SEMA5A: variants seen among roughly 807,000 people sequenced by gnomAD.
The protein encoded by SEMA5A is semaphorin 5A.
Under a neutral mutation model 135.5 loss-of-function variants are expected in SEMA5A, and 55 were observed. The observed-to-expected ratio is 0.41, with a 90% CI of 0.33 to 0.51. The LOEUF (loss-of-function observed/expected upper bound fraction) is 0.51, where lower values mean the gene tolerates loss of function less well. Among genes scored for constraint, SEMA5A ranks in the 20% least tolerant of loss-of-function variants. SEMA5A has a pLI of 0.37. For synonymous variants in SEMA5A, 580 were observed against 546.5 expected, an observed-to-expected ratio of 1.06 and a Z score of -0.85; for missense variants, 1,290 against 1,419.9, an observed-to-expected ratio of 0.91 and a Z score of 1.47.
intron 1 of SEMA5A, among the ~76,000 whole-genome samples, chr5:9,505,897 G>T (rs1049419714): frequency 1.3e-4 from 20 of 152,166 alleles, no homozygotes; most frequent in African/African-American, 4.8e-4. Context: ...ATTTGTCCTG[G>T]TAGATTAACT....
At chr5:9,258,621 C>T (rs1418764475) in intron 5 of SEMA5A, among the ~76,000 whole-genome samples, 1 of 151,970 alleles carries the variant, frequency 6.6e-6, no homozygotes, top group Non-Finnish European at 1.5e-5. Flanking sequence ...TTTTTATTTC[C>T]CTATCCCTCA....
At chr5:9,082,282 G>C (rs1738430237) in intron 16 of SEMA5A, among the ~76,000 whole-genome samples, 1 of 152,128 alleles carries the variant, frequency 6.6e-6, no homozygotes, top group Non-Finnish European at 1.5e-5. Context: ...GGAGTCTTAT[G>C]TTCATAAAAT....
chr5:9,155,156 C>T (rs1742883482), intron 11 of SEMA5A, among the ~76,000 whole-genome samples: 1 of 152,166 alleles, frequency 6.6e-6, no homozygotes, highest in East Asian at 1.9e-4. Flanking sequence ...GTGATGCCCC[C>T]TCCTCCTTCC....
intron 8 of SEMA5A, among the ~76,000 whole-genome samples, chr5:9,212,798 A>T (rs988497535): frequency 1.3e-5 from 2 of 152,262 alleles, no homozygotes; most frequent in African/African-American, 4.8e-5. Context: ...GAGCACATAA[A>T]GCAGGCTTCC....
intron 5 of SEMA5A, among the ~76,000 whole-genome samples, chr5:9,270,700 C>T (rs527820675): frequency 2.7e-5 from 4 of 148,404 alleles, no homozygotes; most frequent in East Asian, 2.2e-4. Flanking sequence ...GTTGGGGCAG[C>T]GGGTGGGGGC....
chr5:9,073,545 C>G (rs1476487798), intron 16 of SEMA5A, among the ~76,000 whole-genome samples: 2 of 152,060 alleles, frequency 1.3e-5, no homozygotes, highest in Non-Finnish European at 2.9e-5. Context: ...AGATGAGAAA[C>G]AAGGCAAGGA....
intron 5 of SEMA5A, among the ~76,000 whole-genome samples, chr5:9,273,668 G>A (rs113853164): frequency 0.025 from 3,809 of 152,174 alleles, 61 homozygotes; most frequent in Non-Finnish European, 0.04. Flanking sequence ...AAGCCAGAAG[G>A]AGTGGGGGCC....
chr5:9,167,862 C>T (rs754784216), intron 11 of SEMA5A, among the ~76,000 whole-genome samples: 4 of 152,100 alleles, frequency 2.6e-5, no homozygotes, highest in Non-Finnish European at 4.4e-5. Context: ...ATACAGTAGG[C>T]CGTCAGTTGA....
At chr5:9,225,035 A>G in intron 7 of SEMA5A, 148 bp from the exon 8 acceptor site, 1 of 646,040 alleles carries the variant, frequency 1.5e-6, no homozygotes. Flanking sequence ...TTACATTCCA[A>G]CTGATGTAAA....
Position 9,226,854 on chromosome 5 carries a change from A to G in SEMA5A, c.432+15T>C, listed in dbSNP as rs765291861. 6.3e-7 allele frequency: 1 copy of G among 1,592,994 alleles called. No homozygotes were observed. On this transcript the variant is annotated intron_variant, in intron 7 of 22. Coordinates refer to ENST00000382496, the MANE Select transcript of SEMA5A (RefSeq NM_003966.3). ...CTGATATTAAATTCTTTTGAGGCAC[A>G]AAAAGAAGCCATACCGAGCGGTTGG... is the stretch of plus-strand genomic sequence containing the variant.
chr5:9,428,338 T>C (rs1757741737), intron 2 of SEMA5A, among the ~76,000 whole-genome samples: 1 of 152,146 alleles, frequency 6.6e-6, no homozygotes. Flanking sequence ...CATGCTGTGC[T>C]GCGCTATTTT....
chr5:9,409,015 A>G (rs1579494140), intron 2 of SEMA5A, among the ~76,000 whole-genome samples: 1 of 152,262 alleles, frequency 6.6e-6, no homozygotes, highest in East Asian at 1.9e-4. Flanking sequence ...TTTGTTTTTC[A>G]CAGACATGGA....
chr5:9,347,596 C>T (rs537029920), intron 3 of SEMA5A, among the ~76,000 whole-genome samples: 1 of 151,798 alleles, frequency 6.6e-6, no homozygotes, highest in African/African-American at 2.4e-5. Context: ...TAAAATGTAT[C>T]CATAATGTAA....
chr5:9,051,258 G>A (rs947899020), intron 20 of SEMA5A, among the ~76,000 whole-genome samples: 1 of 152,152 alleles, frequency 6.6e-6, no homozygotes, highest in Non-Finnish European at 1.5e-5. Context: ...ATTTGTAAGA[G>A]GCTGGTCCAC....
At chr5:9,543,375 A>G (rs1213609652) in intron 1 of SEMA5A, among the ~76,000 whole-genome samples, 1 of 152,212 alleles carries the variant, frequency 6.6e-6, no homozygotes, top group Non-Finnish European at 1.5e-5. Context: ...TCTACGTTTC[A>G]TTCTCCCAAG....
chr5:9,469,133 T>A (rs1759380439), intron 1 of SEMA5A, among the ~76,000 whole-genome samples: 1 of 152,070 alleles, frequency 6.6e-6, no homozygotes, highest in Non-Finnish European at 1.5e-5. Context: ...CTCAGCCTCC[T>A]GAGTAGCTGG....
At chr5:9,358,887 G>A (rs762994532) in intron 3 of SEMA5A, among the ~76,000 whole-genome samples, 1 of 152,212 alleles carries the variant, frequency 6.6e-6, no homozygotes. Flanking sequence ...TTGAGGCATT[G>A]AGGTACATGA....
chr5:9,371,353 T>C (rs183946790), intron 3 of SEMA5A, among the ~76,000 whole-genome samples: 18 of 152,322 alleles, frequency 1.2e-4, no homozygotes, highest in African/African-American at 4.3e-4. Flanking sequence ...TCAGGTCTCA[T>C]CAGCCAAAGA....
At chr5:9,123,764 T>A (rs1457112223) in intron 13 of SEMA5A, among the ~76,000 whole-genome samples, 2 of 152,212 alleles carry the variant, frequency 1.3e-5, no homozygotes, top group Admixed American at 1.3e-4. Context: ...GCAGCGCTTC[T>A]CTTTGTTAAG....
Sources: gnomAD v4.1 joint callset for allele counts (sites outside exome capture counted in the v4.1 genomes callset) on GRCh38, gnomAD v4.1.1 for gene constraint, MANE v1.5 for transcripts, NCBI Gene and HGNC (gene_info 2026-07-23, HGNC 2026-07-21) for gene names.